Variants in GRM7 observed in about 807,000 individuals in gnomAD.
The protein encoded by GRM7 is glutamate metabotropic receptor 7, also known as metabotropic glutamate receptor 7.
In GRM7, 35 loss-of-function variants were observed where a neutral mutation model predicts 84.5. The observed-to-expected ratio is 0.41, with a 90% CI of 0.32 to 0.55. The LOEUF is 0.55. GRM7 is among the 20% of genes least tolerant of loss of function. The pLI, the probability that GRM7 is intolerant of heterozygous loss-of-function variation, is 0.19. For missense variants in GRM7, 1,003 were observed against 1,194.6 expected, an observed-to-expected ratio of 0.84 and a Z score of 2.36; for synonymous variants, 487 against 455.1, an observed-to-expected ratio of 1.07 and a Z score of -0.89.
chr3:7,444,610 C>T (rs1415385645), intron 5 of GRM7, among the ~76,000 whole-genome samples: 1 of 152,154 alleles, frequency 6.6e-6, no homozygotes, highest in Non-Finnish European at 1.5e-5. Flanking sequence ...ACACCTTTCA[C>T]ATGTTTGGAG....
intron 1 of GRM7, among the ~76,000 whole-genome samples, chr3:7,074,771 T>C (rs1698005321): frequency 6.6e-6 from 1 of 152,196 alleles, no homozygotes; most frequent in Admixed American, 6.5e-5. Flanking sequence ...CCTGGTTCTA[T>C]TAGTTGCAGA....
chr3:7,300,233 G>A (rs981062729), intron 3 of GRM7, among the ~76,000 whole-genome samples: 6 of 152,094 alleles, frequency 3.9e-5, no homozygotes, highest in Non-Finnish European at 7.4e-5. Context: ...AATGGCCTGG[G>A]CCCTTAAGTT....
chr3:7,573,744 T>G (rs1694823787), intron 7 of GRM7, among the ~76,000 whole-genome samples: 1 of 152,234 alleles, frequency 6.6e-6, no homozygotes, highest in Non-Finnish European at 1.5e-5. Context: ...AAGCTGATTT[T>G]CTGAATTCAG....
chr3:7,451,153 T>C (rs116186623), intron 5 of GRM7, among the ~76,000 whole-genome samples: 9 of 152,324 alleles, frequency 5.9e-5, no homozygotes, highest in African/African-American at 2.2e-4. Flanking sequence ...ATAATTCTTC[T>C]TCATAGAGGG....
chr3:7,547,246 G>T (rs542154763), intron 7 of GRM7, among the ~76,000 whole-genome samples: 5 of 119,788 alleles, frequency 4.2e-5, no homozygotes, highest in Middle Eastern at 6.4e-3. Context: ...TCACTCTGTC[G>T]CCCAGGCTGG....
rs147734647 is a variant in GRM7, at chr3:7,462,656, G to T, written c.1515+934G>T. ...TTGGGAAGTGGAAGGTTATGTCATG[G>T]TTTCTATGAAGAAAGGGTTATTCAC... On this transcript the variant is annotated intron_variant, in intron 7 of 9. Coordinates refer to ENST00000357716, the MANE Select transcript of GRM7 (RefSeq NM_000844.4). Among the ~76,000 whole-genome samples the T allele has an allele frequency of 8.4e-3, 1,277 of 152,306 alleles. 13 individuals are homozygous for T. Among genetic ancestry groups the T allele is most frequent in the Non-Finnish European group, 0.013 (880 of 68,028 alleles).
intron 1 of GRM7, among the ~76,000 whole-genome samples, chr3:6,947,339 A>G (rs1377785002): frequency 6.6e-6 from 1 of 152,152 alleles, no homozygotes; most frequent in Non-Finnish European, 1.5e-5. Context: ...GGTTCTGTTT[A>G]TATGCTGGAT....
intron 5 of GRM7, among the ~76,000 whole-genome samples, chr3:7,421,916 T>TAAAAAAA (rs773501237): frequency 6.3e-5 from 5 of 78,822 alleles, no homozygotes; most frequent in Admixed American, 1.4e-4. Context: ...CTACAAACAG[T>TAAAAAAA]AAAAAAAAAA....
At chr3:7,305,351 T>G (rs1559221558) in intron 3 of GRM7, among the ~76,000 whole-genome samples, 2 of 45,244 alleles carry the variant, frequency 4.4e-5, no homozygotes, top group African/African-American at 8.9e-5. Flanking sequence ...TTCTTTTTTT[T>G]TTTTTTTAAT....
chr3:7,475,487 A>T (rs1179816190), intron 7 of GRM7, among the ~76,000 whole-genome samples: 4 of 152,128 alleles, frequency 2.6e-5, no homozygotes, highest in African/African-American at 9.7e-5. Flanking sequence ...AACAGTATAG[A>T]TCACCTTGGC....
At chr3:7,268,944 A>G (rs1466918681) in intron 2 of GRM7, among the ~76,000 whole-genome samples, 2 of 152,190 alleles carry the variant, frequency 1.3e-5, no homozygotes, top group Non-Finnish European at 2.9e-5. Flanking sequence ...CAGATATAGA[A>G]TTGTTTTGGG....
intron 8 of GRM7, among the ~76,000 whole-genome samples, chr3:7,600,527 T>C (rs1343253063): frequency 1.3e-5 from 2 of 152,142 alleles, no homozygotes; most frequent in Non-Finnish European, 2.9e-5. Context: ...CCACAGAGTA[T>C]AGTGAAATAG....
At chr3:6,940,789 T>C (rs9879290) in intron 1 of GRM7, among the ~76,000 whole-genome samples, 2,532 of 152,332 alleles carry the variant, frequency 0.017, 60 homozygotes, top group African/African-American at 0.056. Flanking sequence ...AACAGTCATA[T>C]CATCTTCATG....
chr3:7,281,517 A>G (rs1479164899), intron 2 of GRM7, among the ~76,000 whole-genome samples: 4 of 152,212 alleles, frequency 2.6e-5, no homozygotes, highest in Non-Finnish European at 2.9e-5. Flanking sequence ...ATCTATTTCA[A>G]TGATCATTTA....
intron 2 of GRM7, among the ~76,000 whole-genome samples, chr3:7,285,198 A>T (rs1699387055): frequency 6.6e-6 from 1 of 152,184 alleles, no homozygotes; most frequent in Non-Finnish European, 1.5e-5. Context: ...TTACAGAAAA[A>T]GTTTGCTGAC....
chr3:7,458,945 T>C (rs1698130142), intron 6 of GRM7, among the ~76,000 whole-genome samples: 1 of 152,250 alleles, frequency 6.6e-6, no homozygotes, highest in Non-Finnish European at 1.5e-5. Context: ...TCTTCTTATA[T>C]GCTCGCAAGA....
intron 1 of GRM7, among the ~76,000 whole-genome samples, chr3:7,049,429 C>T (rs1696918333): frequency 6.6e-6 from 1 of 151,876 alleles, no homozygotes; most frequent in Non-Finnish European, 1.5e-5. Context: ...AAGATTTATT[C>T]ACTACCATGA....
rs552325330 is a variant in GRM7, at chr3:7,617,432, CTAGATAAAACAGCTAAAAG to C, written c.2451+38078_2451+38096del. 1.7e-3 allele frequency among the ~76,000 whole-genome samples: 259 copies of C among 152,044 alleles called. 4 individuals are homozygous for C. The highest frequency in any genetic ancestry group is 2.1e-4 in the Non-Finnish European group (14 of 67,962). ...GTCTTGCAGAAAAGGGAAACTACAG[CTAGATAAAACAGCTAAAAG>C]TAAAGAGAAAAATCCCATAAATATA... On this transcript the variant is annotated intron_variant, in intron 8 of 9. Coordinates refer to ENST00000357716, the MANE Select transcript of GRM7 (RefSeq NM_000844.4).
intron 6 of GRM7, among the ~76,000 whole-genome samples, chr3:7,459,714 T>G (rs1436187995): frequency 2.6e-5 from 4 of 152,048 alleles, no homozygotes; most frequent in Non-Finnish European, 5.9e-5. Flanking sequence ...CCACAACACA[T>G]AGGAATTATG....
Sources: gnomAD v4.1 joint callset for allele counts (sites outside exome capture counted in the v4.1 genomes callset) on GRCh38, gnomAD v4.1.1 for gene constraint, MANE v1.5 for transcripts, NCBI Gene and HGNC (gene_info 2026-07-23, HGNC 2026-07-21) for gene names.